The following PIK3R3 variants were observed in gnomAD, a reference collection of about 807,000 sequenced individuals.
PIK3R3 encodes phosphoinositide-3-kinase regulatory subunit 3.
A neutral mutation model predicts 62.9 loss-of-function variants in PIK3R3; 64 were observed. That is an observed-to-expected ratio of 1.02 (90% CI 0.83 to 1.25). The LOEUF is 1.25. PIK3R3 is among the 50% of genes most tolerant of loss of function. PIK3R3 has a pLI of 0.00. For synonymous variants in PIK3R3, 165 were observed against 189.0 expected, an observed-to-expected ratio of 0.87 and a Z score of 1.04; for missense variants, 614 against 561.6, an observed-to-expected ratio of 1.09 and a Z score of -0.94.
chr1:46,153,029 C>T, the PIK3R3 span, among the ~76,000 whole-genome samples: 1 of 152,106 alleles, frequency 6.6e-6, no homozygotes, highest in Non-Finnish European at 1.5e-5. Context: ...TTCTTAGAGG[C>T]TTCTGGAAGT....
At chr1:46,131,493 T>C (rs1365910056) in intron 1 of PIK3R3, among the ~76,000 whole-genome samples, 1 of 152,074 alleles carries the variant, frequency 6.6e-6, no homozygotes, top group Non-Finnish European at 1.5e-5. Context: ...CCTTTGCAGG[T>C]AGAAGAGTCT....
intron 7 of PIK3R3, among the ~76,000 whole-genome samples, chr1:46,047,448 A>AAAAAAG (rs1553143013): frequency 1.1e-4 from 15 of 141,800 alleles, no homozygotes; most frequent in African/African-American, 2.1e-4. Flanking sequence ...AAAAAAAAAA[A>AAAAAAG]AAAGAAAGAA....
At chr1:46,105,839 C>G (rs566419750) in intron 1 of PIK3R3, among the ~76,000 whole-genome samples, 1 of 151,774 alleles carries the variant, frequency 6.6e-6, no homozygotes, top group South Asian at 2.1e-4. Flanking sequence ...AGCAAAACTC[C>G]GCCTCAAAAA....
At chr1:46,173,836 C>T in the PIK3R3 span, among the ~76,000 whole-genome samples, 3 of 152,176 alleles carry the variant, frequency 2.0e-5, no homozygotes, top group Non-Finnish European at 2.9e-5. Flanking sequence ...GACACAGATA[C>T]ACACAGACAC....
chr1:46,122,010 A>G (rs1297218772), intron 1 of PIK3R3, among the ~76,000 whole-genome samples: 1 of 152,010 alleles, frequency 6.6e-6, no homozygotes, highest in Non-Finnish European at 1.5e-5. Flanking sequence ...CTGAGGTGGG[A>G]AGGCTACAGT....
intron 1 of PIK3R3, among the ~76,000 whole-genome samples, chr1:46,128,399 T>G (rs896381608): frequency 5.9e-5 from 9 of 152,088 alleles, no homozygotes; most frequent in Admixed American, 6.5e-5. Flanking sequence ...ATAGAGCCAC[T>G]GCACTCCAGA....
chr1:46,067,465 G>A (rs1649116993), intron 3 of PIK3R3, among the ~76,000 whole-genome samples: 2 of 151,098 alleles, frequency 1.3e-5, no homozygotes, highest in Non-Finnish European at 3.0e-5. Context: ...ATTTTTATCA[G>A]GAAGAACAGA....
chr1:46,080,750 G>T lies in PIK3R3; in HGVS notation c.107C>A (p.Ala36Asp). 1 of 1,597,964 alleles carries T rather than the reference G, an allele frequency of 6.3e-7. No homozygotes were observed. Among genetic ancestry groups the T allele is most frequent in the Non-Finnish European group, 8.6e-7 (1 of 1,165,324 alleles). The change falls in exon 2 of 10, where the codon GCT becomes GAT. Residue 36 changes from alanine (A) to aspartate (D), a missense_variant and splice_region_variant. Physicochemically the swap from Ala to Asp is moderately radical, Grantham distance 126. Transcript: ENST00000262741. ...TGGCTTAGGTGGCTTTGGTGGAAGA[G>T]CTAGAAGAGAAATGAATATTACTCT... The part of the protein sequence containing the change: ...LIFYIEMDPP[A>D]LPPKPPKPMT...
intron 1 of PIK3R3, among the ~76,000 whole-genome samples, chr1:46,097,998 A>T (rs1204377628): frequency 6.6e-6 from 1 of 152,128 alleles, no homozygotes; most frequent in Non-Finnish European, 1.5e-5. Context: ...ATACTCAATC[A>T]TAAGAAATAC....
intron 1 of PIK3R3, among the ~76,000 whole-genome samples, chr1:46,100,590 G>C (rs1652566630): frequency 6.6e-6 from 1 of 151,998 alleles, no homozygotes; most frequent in Non-Finnish European, 1.5e-5. Context: ...AATTTTTCTT[G>C]ACAGTTTACT....
At chr1:46,099,750 G>C (rs1284834270) in intron 1 of PIK3R3, among the ~76,000 whole-genome samples, 1 of 151,960 alleles carries the variant, frequency 6.6e-6, no homozygotes, top group Non-Finnish European at 1.5e-5. Flanking sequence ...CCATCTTCTA[G>C]AGTTTCCCTA....
the PIK3R3 span, among the ~76,000 whole-genome samples, chr1:46,166,437 G>A: frequency 6.6e-6 from 1 of 151,690 alleles, no homozygotes; most frequent in Non-Finnish European, 1.5e-5. Flanking sequence ...TGGCCGGGCT[G>A]TTCTCCAACT....
chr1:46,062,301 C>T (rs1020283061), intron 5 of PIK3R3, among the ~76,000 whole-genome samples: 5 of 152,172 alleles, frequency 3.3e-5, no homozygotes, highest in East Asian at 3.8e-4. Context: ...ATAGGCCAGG[C>T]GTGGTGGCTT....
rs1441324363 is a variant in PIK3R3 at position 46,055,991 on chromosome 1, G to GT, written c.765-21dup. 6.6e-7 allele frequency: 1 copy of GT among 1,525,528 alleles called. No homozygotes were observed. Among genetic ancestry groups the GT allele is most frequent in the South Asian group, 1.2e-5 (1 of 84,108 alleles). 94.5% of individuals were successfully genotyped at this position (1,525,528 alleles called of 1,614,324 possible). A position where few individuals can be genotyped will look rare whatever the true frequency, so the allele number is the denominator to read the frequency against. ...ATAATTCTGTAAAAATATTTGACAT[G>GT]TTAAGGCTAAAATAGAAATCAAGCA... is the stretch of plus-strand genomic sequence containing the variant. On this transcript the variant is annotated intron_variant, in intron 6 of 9. Transcript: ENST00000262741.
chr1:46,070,815 A>C (rs1649413703), intron 3 of PIK3R3, among the ~76,000 whole-genome samples: 1 of 152,246 alleles, frequency 6.6e-6, no homozygotes, highest in African/African-American at 2.4e-5. Context: ...AGCAGAGATG[A>C]GAGAAGGAAA....
the PIK3R3 span, among the ~76,000 whole-genome samples, chr1:46,165,165 T>C: frequency 6.6e-6 from 1 of 152,098 alleles, no homozygotes; most frequent in Non-Finnish European, 1.5e-5. Flanking sequence ...TCCAGAAGAC[T>C]TTTTGCTCCC....
At chr1:46,073,970 T>G (rs1238118391) in intron 3 of PIK3R3, among the ~76,000 whole-genome samples, 4 of 149,988 alleles carry the variant, frequency 2.7e-5, no homozygotes, top group Admixed American at 6.6e-5. Context: ...GCCACAATAT[T>G]AAATGCAGAA....
intron 1 of PIK3R3, among the ~76,000 whole-genome samples, chr1:46,096,849 AAAAAAAGAAAG>A (rs1360353222): frequency 2.0e-5 from 3 of 151,880 alleles, no homozygotes; most frequent in African/African-American, 4.8e-5. Flanking sequence ...TTAAAAAAAA[AAAAAAAGAAAG>A]AAAAAAGAAG....
At chr1:46,115,830 G>A (rs1276040585) in intron 1 of PIK3R3, among the ~76,000 whole-genome samples, 1 of 152,148 alleles carries the variant, frequency 6.6e-6, no homozygotes, top group Non-Finnish European at 1.5e-5. Context: ...TCTTTTCTTT[G>A]CTCTCTTGGT....
Sources: gnomAD v4.1 joint callset for allele counts (sites outside exome capture counted in the v4.1 genomes callset) on GRCh38, gnomAD v4.1.1 for gene constraint, MANE v1.5 for transcripts, NCBI Gene and HGNC (gene_info 2026-07-23, HGNC 2026-07-21) for gene names.